TDRD7: variants seen among roughly 807,000 people sequenced by gnomAD.
TDRD7 encodes tudor domain-containing protein 7.
A neutral mutation model predicts 109.8 loss-of-function variants in TDRD7; 47 were observed. That is an observed-to-expected ratio of 0.43 (90% CI 0.34 to 0.55). TDRD7 has a LOEUF of 0.55. Among genes scored for constraint, TDRD7 ranks in the 20% least tolerant of loss-of-function variants. The pLI, the probability that TDRD7 is intolerant of heterozygous loss-of-function variation, is 0.03. For synonymous variants in TDRD7, 424 were observed against 457.3 expected (o/e 0.93, Z 0.93); for missense variants, 1,164 against 1,319.2 (o/e 0.88, Z 1.82).
At chr9:97,472,039 T>G (rs1272500742) in intron 9 of TDRD7, among the ~76,000 whole-genome samples, 1 of 152,208 alleles carries the variant, frequency 6.6e-6, no homozygotes, top group Non-Finnish European at 1.5e-5. Flanking sequence ...GTAGAAATTC[T>G]GATTGATTAT....
In TDRD7 at chr9:97,460,343, T is replaced by C; in HGVS notation, c.1021T>C (p.Phe341Leu). The C allele has an allele frequency of 6.2e-7, 1 of 1,614,194 alleles. No homozygotes were observed. Among genetic ancestry groups the C allele is most frequent in the African/African-American group, 1.3e-5 (1 of 75,070 alleles). ...GTGTCCAACAGTTATGGCAGGAGACTTTAAAGAAAAAGTGGCAGACCTGCT... is the reference window on the plus strand; with the variant it reads ...GTGTCCAACAGTTATGGCAGGAGACCTTAAAGAAAAAGTGGCAGACCTGCT... ...KGCPTVMAGD[F>L]KEKVADLLVK... Residue 341 changes from phenylalanine (F) to leucine (L), a missense_variant, in exon 7 of 17, where the codon TTT (phenylalanine) becomes CTT (leucine). Around this residue, in one of 5 missense-constraint regions of TDRD7, gnomAD observed 407 missense variants for 394.0 expected, o/e 1.03. Coordinates refer to ENST00000355295, the MANE Select transcript of TDRD7 (RefSeq NM_014290.3).
chr9:97,481,550 C>T (rs1466708418), intron 14 of TDRD7, among the ~76,000 whole-genome samples: 2 of 152,144 alleles, frequency 1.3e-5, no homozygotes, highest in African/African-American at 4.8e-5. Context: ...TTTATATAAA[C>T]ATTTAAAATG....
rs10982012 is a variant in TDRD7, at chr9:97,412,112, C to A, written c.-133C>A. ...CGGGGGCTTGAGGTGATTCCCAAGCCGCGGGGCGGCTCCGGTGGTGCGGGG... is the reference window on the plus strand; with the variant it reads ...CGGGGGCTTGAGGTGATTCCCAAGCAGCGGGGCGGCTCCGGTGGTGCGGGG... On this transcript the variant is annotated 5_prime_UTR_variant, in exon 1 of 17. Coordinates refer to ENST00000355295, the MANE Select transcript of TDRD7 (RefSeq NM_014290.3). This position sits in a 1 kb window ranked among gnomAD's most constrained non-coding sequence, Gnocchi z 4.3. The A allele has an allele frequency of 1.3e-5, 2 of 152,834 alleles. No homozygotes were observed. The highest frequency in any genetic ancestry group is 4.8e-5 in the African/African-American group (2 of 41,486). 9.5% of individuals were successfully genotyped at this position (152,834 alleles called of 1,614,324 possible).
At chr9:97,464,657 C>T (rs1313297557) in intron 7 of TDRD7, among the ~76,000 whole-genome samples, 185 bp from the exon 8 acceptor site, 9 of 152,228 alleles carry the variant, frequency 5.9e-5, no homozygotes, top group East Asian at 1.9e-4. Context: ...TGACCAGCCC[C>T]CTTATCTTCT....
chr9:97,457,455 T>G (rs544433400), intron 6 of TDRD7, among the ~76,000 whole-genome samples: 2 of 152,240 alleles, frequency 1.3e-5, no homozygotes, highest in South Asian at 2.1e-4. Flanking sequence ...CTTGGCTCAC[T>G]GCAACCTCTG....
intron 4 of TDRD7, among the ~76,000 whole-genome samples, chr9:97,435,426 A>G (rs1042735086): frequency 6.6e-6 from 1 of 151,292 alleles, no homozygotes; most frequent in Non-Finnish European, 1.5e-5. Flanking sequence ...GACCAGGAGT[A>G]CAAGAACAGC....
chr9:97,422,312 C>G (rs1827913154), intron 1 of TDRD7, among the ~76,000 whole-genome samples: 1 of 152,126 alleles, frequency 6.6e-6, no homozygotes, highest in Non-Finnish European at 1.5e-5. Context: ...ACAAGAATCA[C>G]CTGAACCCAG....
At chr9:97,461,742 T>C (rs1024283407) in intron 7 of TDRD7, among the ~76,000 whole-genome samples, 3 of 152,244 alleles carry the variant, frequency 2.0e-5, no homozygotes, top group African/African-American at 7.2e-5. Flanking sequence ...GGTGTGGCCA[T>C]GGCTGGGCAG....
At chr9:97,488,329 A>G (rs74487175) in intron 16 of TDRD7, among the ~76,000 whole-genome samples, 2,335 of 152,350 alleles carry the variant, frequency 0.015, 31 homozygotes, top group Non-Finnish European at 0.021. Context: ...ATGTGATGTC[A>G]GCAATGAAAG....
chr9:97,432,103 T>C lies in TDRD7; in HGVS notation c.428T>C (p.Leu143Ser). The C allele has an allele frequency of 6.2e-7, 1 of 1,613,812 alleles. No homozygotes were observed. Among genetic ancestry groups the C allele is most frequent in the South Asian group, 1.1e-5 (1 of 91,078 alleles). The change falls in exon 4 of 17, where the codon TTA (leucine) becomes TCA (serine). Residue 143 changes from leucine (L) to serine (S), a missense_variant. Leu to Ser is a moderately radical substitution (Grantham distance 145). Transcript: ENST00000355295. ...SVGKKPNPAP[L>S]RDKGNSVGVK... Reference sequence around the variant, plus strand: ...GGCAAAAAACCTAATCCAGCACCGTTAAGAGACAAAGGAAACTCTGTTGGA... The same window carrying C: ...GGCAAAAAACCTAATCCAGCACCGTCAAGAGACAAAGGAAACTCTGTTGGA...
chr9:97,415,212 A>G (rs774438552), intron 1 of TDRD7, among the ~76,000 whole-genome samples: 2 of 152,248 alleles, frequency 1.3e-5, no homozygotes, highest in Non-Finnish European at 2.9e-5. Context: ...AAATGTAGTA[A>G]GGAAGATGAG....
chr9:97,473,479 TTGTC>T lies in TDRD7; in HGVS notation c.1945-9_1945-6del, dbSNP rs548978411. The T allele has an allele frequency of 6.6e-5, 107 of 1,613,426 alleles. No individual in the cohort carries two copies. The African/African-American group carries it at 1.3e-3, about 20-fold the overall frequency. Reference sequence around the variant, plus strand: ...CTCTCAAGCATTCACGAGGTATCCTTTGTCTGTTATAGGTTGACGCCATGTACAC... The same window carrying T: ...CTCTCAAGCATTCACGAGGTATCCTTTGTTATAGGTTGACGCCATGTACAC... On this transcript the variant is annotated splice_polypyrimidine_tract_variant and intron_variant, in intron 10 of 16. Transcript: ENST00000355295.
chr9:97,465,101 T>G, intron 8 of TDRD7, 73 bp downstream of exon 8: 1 of 1,525,040 alleles, frequency 6.6e-7, no homozygotes, highest in Non-Finnish European at 8.8e-7. Flanking sequence ...AAATATTTTT[T>G]ACATTTTTGA....
intron 14 of TDRD7, 68 bp from the exon 15 acceptor site, chr9:97,482,781 A>C: frequency 6.5e-7 from 1 of 1,529,948 alleles, no homozygotes; most frequent in Non-Finnish European, 9.0e-7. Flanking sequence ...GATTAAGGTT[A>C]CTATAACTGC....
At chr9:97,433,825 A>G (rs1828149281) in intron 4 of TDRD7, among the ~76,000 whole-genome samples, 1 of 152,168 alleles carries the variant, frequency 6.6e-6, no homozygotes, top group Admixed American at 6.6e-5. Context: ...CTTCCCACCC[A>G]GTAGTATGTA....
At chr9:97,430,430 C>A (rs1828081808) in intron 2 of TDRD7, among the ~76,000 whole-genome samples, 1 of 152,166 alleles carries the variant, frequency 6.6e-6, no homozygotes, top group African/African-American at 2.4e-5. Context: ...AGTCACCCAG[C>A]AGATCCATCA....
chr9:97,445,788 C>G (rs915439798), intron 6 of TDRD7, among the ~76,000 whole-genome samples: 6 of 152,146 alleles, frequency 3.9e-5, no homozygotes, highest in African/African-American at 1.4e-4. Context: ...GCCTTGAGGT[C>G]ACCCAGGATC....
intron 14 of TDRD7, among the ~76,000 whole-genome samples, chr9:97,482,515 G>C (rs1364206830): frequency 6.6e-6 from 1 of 152,122 alleles, no homozygotes. Flanking sequence ...TACTTTAAGT[G>C]TTTCGAAATA....
chr9:97,415,682 A>T (rs1410125800), intron 1 of TDRD7, among the ~76,000 whole-genome samples: 1 of 152,202 alleles, frequency 6.6e-6, no homozygotes, highest in Non-Finnish European at 1.5e-5. Context: ...AGTCTCAGCT[A>T]CTCAGGAGGC....
Sources: gnomAD v4.1 joint callset for allele counts (sites outside exome capture counted in the v4.1 genomes callset) on GRCh38, gnomAD v4.1.1 for gene constraint, gnomAD v4.1.1 regional missense constraint, Gnocchi (gnomAD v3.1) non-coding constraint, MANE v1.5 for transcripts, NCBI Gene and HGNC (gene_info 2026-07-23, HGNC 2026-07-21) for gene names.